Variants in RP1 observed in about 807,000 individuals in gnomAD.
RP1 encodes the protein RP1 axonemal microtubule associated.
A neutral mutation model predicts 14.8 loss-of-function variants in RP1; 16 were observed. That is an observed-to-expected ratio of 1.08 (90% CI 0.73 to 1.65). The LOEUF (loss-of-function observed/expected upper bound fraction) is 1.65, where lower values mean the gene tolerates loss of function less well. Among genes scored for constraint, RP1 ranks in the 40% most tolerant of loss-of-function variants. The probability of loss-of-function intolerance (pLI) is 0.00; values close to 1 mark genes in which losing one functional copy is unlikely to be tolerated. For synonymous variants in RP1, 876 were observed against 883.6 expected, an observed-to-expected ratio of 0.99 and a Z score of 0.15; for missense variants, 2,631 against 2,535.0, an observed-to-expected ratio of 1.04 and a Z score of -0.81.
exon 6 of RP1, chr8:54,656,196 A>G: frequency 6.5e-7 from 1 of 1,535,564 alleles, no homozygotes; most frequent in African/African-American, 1.4e-5. Flanking sequence ...TTTTAAGTAA[A>G]GGACAACCTG....
At chr8:54,778,055 G>A (rs766074126) in intron 23 of RP1, among the ~76,000 whole-genome samples, 7 of 151,976 alleles carry the variant, frequency 4.6e-5, no homozygotes, top group Non-Finnish European at 8.8e-5. Flanking sequence ...ACATTTTAAC[G>A]GATCCCAAAA....
Position 54,621,327 on chromosome 8 carries a change from C to T in RP1, c.361C>T (p.Arg121Cys), listed in dbSNP as rs1805860892. 1.2e-6 allele frequency: 2 copies of T among 1,612,122 alleles called. No individual in the cohort carries two copies. The highest frequency in any genetic ancestry group is 1.7e-6 in the Non-Finnish European group (2 of 1,179,076). ...GCAGCCTGTAGACCTGGACAAAGCCCGTCGGCGCCCGCGGCCCTGGCTCAG... is the reference window on the plus strand; with the variant it reads ...GCAGCCTGTAGACCTGGACAAAGCCTGTCGGCGCCCGCGGCCCTGGCTCAG... ...KVQPVDLDKARRRPRPWLSSR... is the reference protein window; with the variant it reads ...KVQPVDLDKACRRPRPWLSSR... The change falls in exon 2 of 4, where the codon CGT becomes TGT. Residue 121 changes from arginine (R) to cysteine (C), a missense_variant. Physicochemically the swap from Arg to Cys is radical, Grantham distance 180. Transcript: ENST00000220676.
At chr8:54,852,799 C>A in intron 26 of RP1, 1 of 1,142,088 alleles carries the variant, frequency 8.8e-7, no homozygotes, top group Non-Finnish European at 1.1e-6. Context: ...AAAACACACA[C>A]AAACAGAAAA....
intron 8 of RP1, among the ~76,000 whole-genome samples, chr8:54,677,646 G>A (rs1480700961): frequency 6.6e-6 from 1 of 152,144 alleles, no homozygotes; most frequent in Non-Finnish European, 1.5e-5. Flanking sequence ...AAGATTGCTT[G>A]AGTTCAGGAG....
At chr8:54,569,867 C>G (rs1350191009) in intron 1 of RP1, among the ~76,000 whole-genome samples, 1 of 152,190 alleles carries the variant, frequency 6.6e-6, no homozygotes, top group Non-Finnish European at 1.5e-5. Flanking sequence ...GTCATAGGAG[C>G]AGTAAGACAG....
intron 19 of RP1, among the ~76,000 whole-genome samples, chr8:54,747,282 G>A (rs973609313): frequency 3.2e-4 from 48 of 151,964 alleles, no homozygotes; most frequent in African/African-American, 1.1e-3. Context: ...CCTCTTTCTC[G>A]TCCCCTTCTC....
intron 22 of RP1, among the ~76,000 whole-genome samples, chr8:54,765,580 A>G (rs907533182): frequency 1.3e-5 from 2 of 152,158 alleles, no homozygotes; most frequent in Non-Finnish European, 2.9e-5. Flanking sequence ...TTACCTTTCT[A>G]GGCTTTTCTT....
intron 1 of RP1, among the ~76,000 whole-genome samples, chr8:54,586,299 C>T (rs1431564388): frequency 6.6e-6 from 1 of 152,186 alleles, no homozygotes; most frequent in African/African-American, 2.4e-5. Flanking sequence ...GCAGCAGAGG[C>T]TGCAGAACAG....
At chr8:54,820,295 T>A (rs902161343) in intron 24 of RP1, among the ~76,000 whole-genome samples, 2 of 152,122 alleles carry the variant, frequency 1.3e-5, no homozygotes, top group African/African-American at 4.8e-5. Context: ...CAGCTTGTGT[T>A]GCACTGGGTT....
intron 3 of RP1, among the ~76,000 whole-genome samples, chr8:54,643,380 G>A (rs1806487569): frequency 6.6e-6 from 1 of 152,114 alleles, no homozygotes; most frequent in Admixed American, 6.5e-5. Context: ...CCTGGCCCTA[G>A]GAAAGAACTC....
At chr8:54,783,957 AT>A (rs1042014744) in intron 24 of RP1, among the ~76,000 whole-genome samples, 1 of 152,172 alleles carries the variant, frequency 6.6e-6, no homozygotes, top group Non-Finnish European at 1.5e-5. Context: ...ATTTTAGAAC[AT>A]TTAAAAATTA....
At chr8:54,769,154 A>T (rs1809840062) in intron 22 of RP1, among the ~76,000 whole-genome samples, 1 of 152,116 alleles carries the variant, frequency 6.6e-6, no homozygotes, top group African/African-American at 2.4e-5. Context: ...TTGGCCTCCC[A>T]AAGTGCTGGG....
At chr8:54,814,660 A>G (rs777829203) in intron 24 of RP1, among the ~76,000 whole-genome samples, 15 of 152,192 alleles carry the variant, frequency 9.9e-5, no homozygotes, top group Non-Finnish European at 1.8e-4. Flanking sequence ...CTGGTTACTT[A>G]ATGTTCTTTC....
chr8:54,564,497 G>A (rs534876587), intron 1 of RP1, among the ~76,000 whole-genome samples: 1 of 152,260 alleles, frequency 6.6e-6, no homozygotes, highest in South Asian at 2.1e-4. Context: ...GTAAGTGTTC[G>A]CTGTTGACAC....
At chr8:54,755,815 G>A (rs1319088698) in intron 21 of RP1, 1 of 1,389,356 alleles carries the variant, frequency 7.2e-7, no homozygotes, top group East Asian at 2.7e-5. Context: ...CAATCTCTCT[G>A]AAGATGGCCA....
chr8:54,723,079 G>A (rs375855138), intron 16 of RP1, among the ~76,000 whole-genome samples: 4 of 152,160 alleles, frequency 2.6e-5, no homozygotes, highest in African/African-American at 4.8e-5. Flanking sequence ...TCCTGGGTGC[G>A]GGGAGCTTTT....
intron 22 of RP1, among the ~76,000 whole-genome samples, chr8:54,765,385 G>C (rs1585673155): frequency 6.6e-6 from 1 of 152,324 alleles, no homozygotes; most frequent in East Asian, 1.9e-4. Context: ...GCCTTATACA[G>C]AACAGGGCTG....
chr8:54,793,796 T>C (rs1183283711), intron 24 of RP1, among the ~76,000 whole-genome samples: 1 of 151,968 alleles, frequency 6.6e-6, no homozygotes, highest in East Asian at 1.9e-4. Flanking sequence ...TTGCTACTTC[T>C]ATTTAACATA....
chr8:54,607,159 C>T (rs2129307970), intron 1 of RP1, among the ~76,000 whole-genome samples: 1 of 152,166 alleles, frequency 6.6e-6, no homozygotes, highest in East Asian at 1.9e-4. Flanking sequence ...TCTGTTTTTT[C>T]CCCATCTTTG....
Sources: gnomAD v4.1 joint callset for allele counts (sites outside exome capture counted in the v4.1 genomes callset) on GRCh38, gnomAD v4.1.1 for gene constraint, MANE v1.5 for transcripts, NCBI Gene and HGNC (gene_info 2026-07-23, HGNC 2026-07-21) for gene names.